The following LSAMP variants were observed in gnomAD, a reference collection of about 807,000 sequenced individuals.
LSAMP encodes the protein limbic system-associated membrane protein.
LSAMP carries 7 observed loss-of-function variants against 38.6 expected under a neutral mutation model. That is an observed-to-expected ratio of 0.18 (90% CI 0.10 to 0.34). The LOEUF (loss-of-function observed/expected upper bound fraction) is 0.34, where lower values mean the gene tolerates loss of function less well. LSAMP is among the 10% of genes least tolerant of loss of function. The probability of loss-of-function intolerance (pLI) is 1.00; values close to 1 mark genes in which losing one functional copy is unlikely to be tolerated. For missense variants in LSAMP, 313 were observed against 420.0 expected (o/e 0.75, Z 2.23); for synonymous variants, 154 against 166.8 (o/e 0.92, Z 0.59).
At chr3:116,370,212 T>C (rs780054090) in intron 1 of LSAMP, 32 of 152,208 alleles carry the variant, frequency 2.1e-4, no homozygotes, top group Non-Finnish European at 4.6e-4. Context: ...AGGGAAAAGA[T>C]GTTTGAGGGA....
In LSAMP at chr3:116,396,264, T is replaced by C. The variant is rs983193313; in HGVS notation, c.155+48613A>G. 5.9e-5 allele frequency among the ~76,000 whole-genome samples: 9 copies of C among 152,332 alleles called. No individual in the cohort carries two copies. In the East Asian group the frequency reaches 1.7e-3, roughly 29 times the overall value. On this transcript the variant is annotated intron_variant, in intron 1 of 6. Coordinates refer to ENST00000490035, the MANE Select transcript of LSAMP (RefSeq NM_002338.5). ...GCAATTCTATCCTCTAAAATCTAAT[T>C]TGAGACTTCCATACATACAGTTTTA...
chr3:115,859,425 T>C (rs928727092), intron 3 of LSAMP, among the ~76,000 whole-genome samples: 2 of 151,518 alleles, frequency 1.3e-5, no homozygotes, highest in African/African-American at 2.4e-5. Flanking sequence ...GTTGGAGGAA[T>C]GGAAATGAAA....
chr3:116,220,945 G>C (rs968007434), intron 1 of LSAMP, among the ~76,000 whole-genome samples: 14 of 152,088 alleles, frequency 9.2e-5, no homozygotes, highest in Non-Finnish European at 1.5e-4. Context: ...ACGAGGTCAG[G>C]AGATCGAGAC....
chr3:115,964,075 C>T (rs1559899476), intron 3 of LSAMP, among the ~76,000 whole-genome samples: 1 of 152,120 alleles, frequency 6.6e-6, no homozygotes, highest in Non-Finnish European at 1.5e-5. Context: ...AGTTTAAATG[C>T]CATCTCAATT....
At chr3:116,222,715 C>G (rs1177948179) in intron 1 of LSAMP, among the ~76,000 whole-genome samples, 5 of 131,662 alleles carry the variant, frequency 3.8e-5, no homozygotes, top group African/African-American at 1.5e-4. Flanking sequence ...ACCTTTCATC[C>G]TCTCCTTTTT....
chr3:116,014,750 T>C (rs1438542404), intron 3 of LSAMP, among the ~76,000 whole-genome samples: 2 of 152,200 alleles, frequency 1.3e-5, no homozygotes, highest in African/African-American at 4.8e-5. Flanking sequence ...ATCATACTAA[T>C]TCTAACATGC....
At position 115,805,169 on chromosome 3, in the gene LSAMP, C is replaced by T. The variant is rs1356992388; in HGVS notation, c.*5148G>A. On this transcript the variant is annotated 3_prime_UTR_variant, in exon 7 of 7. Coordinates refer to ENST00000490035, the MANE Select transcript of LSAMP (RefSeq NM_002338.5). ...GCCCTTAAAACCTTTCCCTCTATTT[C>T]CCTTGCTTTGGGGTCGGGTGAGACA... is the stretch of plus-strand genomic sequence containing the variant. 6.6e-6 allele frequency: 1 copy of T among 152,136 alleles called. No homozygotes were observed. The highest frequency in any genetic ancestry group is 1.9e-4 in the East Asian group (1 of 5,180). 9.4% of individuals were successfully genotyped at this position (152,136 alleles called of 1,614,324 possible). A position where few individuals can be genotyped will look rare whatever the true frequency, so the allele number is the denominator to read the frequency against.
intron 1 of LSAMP, among the ~76,000 whole-genome samples, chr3:116,137,580 A>G (rs139092413): frequency 7.8e-4 from 119 of 152,274 alleles, no homozygotes; most frequent in African/African-American, 2.7e-3. Flanking sequence ...ATAGTGAAAC[A>G]TAATCTTTAA....
At chr3:116,040,106 G>T (rs1363859549) in intron 2 of LSAMP, among the ~76,000 whole-genome samples, 1 of 152,162 alleles carries the variant, frequency 6.6e-6, no homozygotes, top group Non-Finnish European at 1.5e-5. Flanking sequence ...TACCCAAAGA[G>T]AAAGCAAATT....
At chr3:116,214,716 T>G (rs1288169158) in intron 1 of LSAMP, among the ~76,000 whole-genome samples, 1 of 151,974 alleles carries the variant, frequency 6.6e-6, no homozygotes, top group East Asian at 1.9e-4. Context: ...TTGGCCAGGC[T>G]CGTCTCAAAT....
chr3:116,081,701 A>G (rs1707876402), intron 2 of LSAMP, among the ~76,000 whole-genome samples: 1 of 152,202 alleles, frequency 6.6e-6, no homozygotes, highest in African/African-American at 2.4e-5. Context: ...TAATTATGCA[A>G]TCCTGGCAAC....
chr3:116,253,941 A>G lies in LSAMP; in HGVS notation c.156-167385T>C, dbSNP rs58653611. ...TTTTCAGACCATCAAGTTCTTCCCA[A>G]TTTAAATACCATGTGCTTCTTCACA... is the stretch of plus-strand genomic sequence containing the variant. On this transcript the variant is annotated intron_variant, in intron 1 of 6. Coordinates refer to ENST00000490035, the MANE Select transcript of LSAMP (RefSeq NM_002338.5). Among the ~76,000 whole-genome samples, 268 of 152,174 alleles carry G rather than the reference A, an allele frequency of 1.8e-3. 1 individual carries two copies. The highest frequency in any genetic ancestry group is 6.0e-3 in the African/African-American group (251 of 41,544).
intron 1 of LSAMP, among the ~76,000 whole-genome samples, chr3:116,180,644 C>A (rs1235564149): frequency 1.3e-5 from 2 of 152,036 alleles, no homozygotes; most frequent in Admixed American, 1.3e-4. Context: ...TATTTGATGA[C>A]CAATAGTTTT....
intron 3 of LSAMP, among the ~76,000 whole-genome samples, chr3:115,947,018 C>T (rs975773481): frequency 2.0e-5 from 3 of 151,694 alleles, no homozygotes; most frequent in African/African-American, 4.8e-5. Context: ...AAATGTAATT[C>T]ACCATATTAA....
intron 1 of LSAMP, among the ~76,000 whole-genome samples, chr3:116,273,683 C>CATAT (rs1553719897): frequency 1.4e-4 from 7 of 50,524 alleles, no homozygotes; most frequent in African/African-American, 7.5e-4. Flanking sequence ...GAGAAAGAGG[C>CATAT]ATATATATAT....
At chr3:116,285,633 T>C (rs921194472) in intron 1 of LSAMP, among the ~76,000 whole-genome samples, 8 of 152,214 alleles carry the variant, frequency 5.3e-5, no homozygotes, top group Non-Finnish European at 7.3e-5. Flanking sequence ...TGATGGTATT[T>C]GCTGTCTTTT....
At chr3:116,029,383 T>G (rs558439044) in intron 2 of LSAMP, among the ~76,000 whole-genome samples, 5 of 152,252 alleles carry the variant, frequency 3.3e-5, no homozygotes, top group South Asian at 2.1e-4. Flanking sequence ...ATACAGAAAC[T>G]ATAGCTTCTT....
chr3:116,075,335 A>C (rs1576347878), intron 2 of LSAMP, among the ~76,000 whole-genome samples: 1 of 149,744 alleles, frequency 6.7e-6, no homozygotes, highest in Non-Finnish European at 1.5e-5. Flanking sequence ...ACAGGGTTTC[A>C]CTATGTTGGC....
chr3:115,930,422 G>C (rs1475055118), intron 3 of LSAMP, among the ~76,000 whole-genome samples: 1 of 152,070 alleles, frequency 6.6e-6, no homozygotes, highest in African/African-American at 2.4e-5. Context: ...ATGACTATGA[G>C]GTGGCTAACG....
Sources: allele counts gnomAD v4.1 joint callset (sites outside exome capture counted in the v4.1 genomes callset), GRCh38; gene constraint gnomAD v4.1.1; transcripts MANE v1.5; gene names NCBI Gene and HGNC (gene_info 2026-07-23, HGNC 2026-07-21).